CNBD1: variants seen among roughly 807,000 people sequenced by gnomAD.
CNBD1 encodes cyclic nucleotide binding domain containing 1, also known as cyclic nucleotide-binding domain-containing protein 1.
In CNBD1, 71 loss-of-function variants were observed where a neutral mutation model predicts 54.4. The ratio of observed to expected loss-of-function variants is 1.30; its 90% CI spans 1.08 to 1.59. The LOEUF is 1.59. CNBD1 is among the 40% of genes most tolerant of loss of function. The pLI, the probability that CNBD1 is intolerant of heterozygous loss-of-function variation, is 0.00. For missense variants in CNBD1, 659 were observed against 518.0 expected (o/e 1.27, Z -2.64); for synonymous variants, 182 against 170.7 (o/e 1.07, Z -0.51).
intron 8 of CNBD1, among the ~76,000 whole-genome samples, chr8:87,292,763 A>T (rs1370535760): frequency 6.6e-6 from 1 of 152,134 alleles, no homozygotes; most frequent in Non-Finnish European, 1.5e-5. Flanking sequence ...TCTCTGCAGT[A>T]TCTGGAAGAA....
intron 10 of CNBD1, among the ~76,000 whole-genome samples, chr8:87,372,556 TAGA>T (rs1563574805): frequency 6.6e-6 from 1 of 151,924 alleles, no homozygotes; most frequent in East Asian, 1.9e-4. Flanking sequence ...ATTAAGTTCT[TAGA>T]AGATTATGAT....
chr8:87,428,117 A>G (rs946057486), intron 2 of CNBD1, among the ~76,000 whole-genome samples: 2 of 149,316 alleles, frequency 1.3e-5, no homozygotes, highest in Non-Finnish European at 3.0e-5. Flanking sequence ...TCTTAGGAGC[A>G]TAAGATCCTC....
intron 10 of CNBD1, among the ~76,000 whole-genome samples, chr8:87,356,641 A>G (rs570920192): frequency 1.3e-5 from 2 of 152,320 alleles, no homozygotes; most frequent in Admixed American, 6.5e-5. Flanking sequence ...GTTGGAAATT[A>G]TAATTAAAAA....
intron 1 of CNBD1, among the ~76,000 whole-genome samples, chr8:86,877,258 T>G (rs1808534095): frequency 6.6e-6 from 1 of 152,192 alleles, no homozygotes; most frequent in African/African-American, 2.4e-5. Context: ...TTACTCATTA[T>G]TTATACTATC....
intron 4 of CNBD1, among the ~76,000 whole-genome samples, chr8:86,945,052 T>C (rs139830940): frequency 1.2e-4 from 18 of 152,288 alleles, no homozygotes; most frequent in African/African-American, 4.3e-4. Flanking sequence ...CATGTTGGTA[T>C]TTGATTGCAG....
At chr8:86,886,469 T>A (rs1808682235) in intron 1 of CNBD1, among the ~76,000 whole-genome samples, 1 of 152,160 alleles carries the variant, frequency 6.6e-6, no homozygotes, top group Non-Finnish European at 1.5e-5. Context: ...ATATATGATA[T>A]GATATGGATA....
chr8:87,338,552 A>C (rs1810000807), intron 8 of CNBD1, among the ~76,000 whole-genome samples: 1 of 151,412 alleles, frequency 6.6e-6, no homozygotes, highest in South Asian at 2.1e-4. Flanking sequence ...ATTTCTGAGA[A>C]GTCAGATGTA....
intron 2 of CNBD1, among the ~76,000 whole-genome samples, chr8:87,391,995 A>G (rs1034401113): frequency 6.6e-6 from 1 of 152,104 alleles, no homozygotes; most frequent in Non-Finnish European, 1.5e-5. Context: ...TTAAAAATTA[A>G]TGAAGGGCAG....
intron 2 of CNBD1, among the ~76,000 whole-genome samples, chr8:87,426,693 T>G: frequency 6.6e-6 from 1 of 152,188 alleles, no homozygotes; most frequent in Non-Finnish European, 1.5e-5. Flanking sequence ...GCAATTTCTG[T>G]GAGGACTACA....
chr8:86,895,250 CATGGTGTGTG>C (rs1808833032), intron 2 of CNBD1, among the ~76,000 whole-genome samples: 1 of 129,918 alleles, frequency 7.7e-6, no homozygotes, highest in African/African-American at 3.4e-5. Flanking sequence ...TGTGTGTGTG[CATGGTGTGTG>C]TGTGTGTGTG....
chr8:87,407,482 T>G (rs1039773720), intron 2 of CNBD1, among the ~76,000 whole-genome samples: 3 of 152,080 alleles, frequency 2.0e-5, no homozygotes, highest in Admixed American at 2.0e-4. Flanking sequence ...TTAATGCTTT[T>G]ATTGCATATA....
intron 4 of CNBD1, among the ~76,000 whole-genome samples, chr8:87,036,679 T>C (rs1328945973): frequency 6.6e-6 from 1 of 152,084 alleles, no homozygotes; most frequent in Non-Finnish European, 1.5e-5. Flanking sequence ...TTTTTGTTTT[T>C]CCTGGAGATA....
intron 4 of CNBD1, among the ~76,000 whole-genome samples, chr8:87,099,677 A>G (rs1563468481): frequency 6.6e-6 from 1 of 152,226 alleles, no homozygotes; most frequent in Non-Finnish European, 1.5e-5. Context: ...AACAATTGGA[A>G]GTTTGAAATT....
chr8:87,081,163 C>T (rs555542113), intron 4 of CNBD1, among the ~76,000 whole-genome samples: 1 of 152,100 alleles, frequency 6.6e-6, no homozygotes, highest in South Asian at 2.1e-4. Flanking sequence ...TCTCTAAATA[C>T]TTATTTAGCT....
chr8:86,944,659 A>T (rs1807423027), intron 4 of CNBD1, among the ~76,000 whole-genome samples: 1 of 152,210 alleles, frequency 6.6e-6, no homozygotes, highest in Non-Finnish European at 1.5e-5. Context: ...AAAGTGCATG[A>T]GTCAAATGGG....
chr8:87,218,816 A>G (rs2130807106), intron 5 of CNBD1, among the ~76,000 whole-genome samples: 1 of 152,092 alleles, frequency 6.6e-6, no homozygotes, highest in African/African-American at 2.4e-5. Flanking sequence ...AAATATATAG[A>G]ATTTCACAGA....
At chr8:86,878,414 T>G (rs1018142432) in intron 1 of CNBD1, among the ~76,000 whole-genome samples, 5 of 152,328 alleles carry the variant, frequency 3.3e-5, no homozygotes, top group Admixed American at 3.3e-4. Context: ...TTCTGTTCTC[T>G]TCCCTAAACA....
chr8:87,341,193 C>G (rs1810056595), intron 8 of CNBD1, among the ~76,000 whole-genome samples: 1 of 152,062 alleles, frequency 6.6e-6, no homozygotes, highest in South Asian at 2.1e-4. Flanking sequence ...CTCTTGCTCT[C>G]CCTAGTGTCT....
intron 4 of CNBD1, among the ~76,000 whole-genome samples, chr8:87,086,847 G>C (rs1811104971): frequency 6.6e-6 from 1 of 152,076 alleles, no homozygotes; most frequent in Non-Finnish European, 1.5e-5. Context: ...TCCTTTACGA[G>C]TTCATTAATT....
Sources: allele counts gnomAD v4.1 joint callset (sites outside exome capture counted in the v4.1 genomes callset), GRCh38; gene constraint gnomAD v4.1.1; transcripts MANE v1.5; gene names NCBI Gene and HGNC (gene_info 2026-07-23, HGNC 2026-07-21).